The following PCDHGA3 variants were observed in gnomAD, a reference collection of about 807,000 sequenced individuals.
The protein encoded by PCDHGA3 is protocadherin gamma-A3.
In PCDHGA3, 40 loss-of-function variants were observed where a neutral mutation model predicts 58.5. The ratio of observed to expected loss-of-function variants is 0.68; its 90% confidence interval spans 0.53 to 0.89. The LOEUF (loss-of-function observed/expected upper bound fraction) is 0.89. Among genes scored for constraint, PCDHGA3 ranks in the 40% least tolerant of loss-of-function variants. The pLI, the probability that PCDHGA3 is intolerant of heterozygous loss-of-function variation, is 0.00. For missense variants in PCDHGA3, 1,223 were observed against 1,195.9 expected (o/e 1.02, Z -0.33); for synonymous variants, 530 against 525.7 (o/e 1.01, Z -0.11).
At position 141,419,770 on chromosome 5, in the gene PCDHGA3, G is replaced by A. The variant is rs1018272442; in HGVS notation, c.2424+73313G>A. On this transcript the variant is annotated intron_variant, in intron 1 of 3. Coordinates refer to ENST00000253812, the MANE Select transcript of PCDHGA3 (RefSeq NM_018916.4). ...TGCGTGCTTTGGGTGACAAGGACTC[G>A]GTCCGCCAGCGCCTGCTAGTCGCTG... 3.7e-6 allele frequency: 6 copies of A among 1,614,006 alleles called. No individual in the cohort carries two copies. The Admixed American group carries it at 6.7e-5, about 18-fold the overall frequency.
At chr5:141,375,879 G>C in intron 1 of PCDHGA3, 1 of 1,613,144 alleles carries the variant, frequency 6.2e-7, no homozygotes, top group Non-Finnish European at 8.5e-7. Flanking sequence ...AGAGACTCGG[G>C]CCAGAACGCC....
In PCDHGA3 at chr5:141,485,961, A is replaced by C. The variant is rs766687554; in HGVS notation, c.2425-8846A>C. ...GCACCAGCGGGCATGGTGCTCATCC[A>C]GCTCAATGCCTCAGACCCGGACCTG... On this transcript the variant is annotated intron_variant, in intron 1 of 3. Coordinates refer to ENST00000253812, the MANE Select transcript of PCDHGA3 (RefSeq NM_018916.4). The surrounding 1 kb of genome is among the most constrained non-coding windows in gnomAD (Gnocchi z 5.7). 6.2e-7 allele frequency: 1 copy of C among 1,614,204 alleles called. No homozygotes were observed. The highest frequency in any genetic ancestry group is 1.1e-5 in the South Asian group (1 of 91,090).
intron 1 of PCDHGA3, chr5:141,351,756 C>T: frequency 6.2e-7 from 1 of 1,613,612 alleles, no homozygotes. Flanking sequence ...GAGCTGTTGT[C>T]CTACGTGTCC....
Position 141,404,841 on chromosome 5 carries a change from G to A in PCDHGA3, c.2424+58384G>A, listed in dbSNP as rs765291212. The stretch of plus-strand genomic sequence containing the variant: ...CACACAGGTGAAGTGCGCACAGCTC[G>A]GGCCCTGCTAGATAGAGATGCGCTC... On this transcript the variant is annotated intron_variant, in intron 1 of 3. Coordinates refer to ENST00000253812, the MANE Select transcript of PCDHGA3 (RefSeq NM_018916.4). 1.1e-5 allele frequency: 17 copies of A among 1,613,886 alleles called. No individual in the cohort carries two copies. Among genetic ancestry groups the A allele is most frequent in the Non-Finnish European group, 1.4e-5 (16 of 1,179,920 alleles).
intron 1 of PCDHGA3, chr5:141,424,728 G>A (rs907091181): frequency 1.3e-5 from 2 of 152,102 alleles, no homozygotes; most frequent in African/African-American, 2.4e-5. Flanking sequence ...GGGAGTCATA[G>A]ATTCCTTCTT....
At chr5:141,355,030 A>G (rs1383084730) in intron 1 of PCDHGA3, 4 of 976,996 alleles carry the variant, frequency 4.1e-6, no homozygotes, top group African/African-American at 3.3e-5. Flanking sequence ...CAGAATCACA[A>G]GATTTCTGCA....
At chr5:141,383,963 C>G (rs967868907) in intron 1 of PCDHGA3, 1 of 1,613,480 alleles carries the variant, frequency 6.2e-7, no homozygotes, top group South Asian at 1.1e-5. Flanking sequence ...TTAAGTAGCT[C>G]AATCCCTGAA....
At chr5:141,363,845 A>G (rs922209204) in intron 1 of PCDHGA3, among the ~76,000 whole-genome samples, 1 of 152,250 alleles carries the variant, frequency 6.6e-6, no homozygotes. Flanking sequence ...TCCTAATTTA[A>G]TGGACTAAAT....
In PCDHGA3 at chr5:141,450,826, A is replaced by AT. The variant is rs764729742; in HGVS notation, c.2425-43979dup. On this transcript the variant is annotated intron_variant, in intron 1 of 3. Coordinates refer to ENST00000253812, the MANE Select transcript of PCDHGA3 (RefSeq NM_018916.4). ...TATTTATTTATTTAATATTATTATT[A>AT]TTATTTTTTTTTTTTTGAGATGGGG... Among the ~76,000 whole-genome samples, 613 of 134,334 alleles carry AT rather than the reference A, an allele frequency of 4.6e-3. 5 individuals are homozygous for AT. Among genetic ancestry groups the AT allele is most frequent in the African/African-American group, 9.0e-3 (309 of 34,288 alleles). 88.1% of individuals were successfully genotyped at this position (134,334 alleles called of 152,430 possible).
At chr5:141,408,714 A>G (rs771519650) in intron 1 of PCDHGA3, 8 of 1,612,346 alleles carry the variant, frequency 5.0e-6, no homozygotes, top group Non-Finnish European at 6.8e-6. Context: ...AAAGATTATA[A>G]GATAAACTCT....
At chr5:141,360,406 G>A in intron 1 of PCDHGA3, 1 of 1,613,978 alleles carries the variant, frequency 6.2e-7, no homozygotes. Context: ...TGACAGAATA[G>A]ACCGAGAACA....
chr5:141,496,081 C>A (rs976166091), intron 2 of PCDHGA3, among the ~76,000 whole-genome samples: 1 of 152,060 alleles, frequency 6.6e-6, no homozygotes, highest in Non-Finnish European at 1.5e-5. Flanking sequence ...CACAACCCCC[C>A]ACCCACCACC....
Position 141,393,255 on chromosome 5 carries a change from C to G in PCDHGA3, c.2424+46798C>G, listed in dbSNP as rs201229959. 2.3e-4 allele frequency: 367 copies of G among 1,613,786 alleles called. No individual in the cohort carries two copies. Among genetic ancestry groups the G allele is most frequent in the Non-Finnish European group, 2.9e-4 (338 of 1,179,916 alleles). On this transcript the variant is annotated intron_variant, in intron 1 of 3. Coordinates refer to ENST00000253812, the MANE Select transcript of PCDHGA3 (RefSeq NM_018916.4). ...AGTAAAAATTAACGAAATCGCGGTT[C>G]CTGGAGCACGTTATCCACTCCCAGA...
intron 2 of PCDHGA3, among the ~76,000 whole-genome samples, chr5:141,503,398 C>A (rs1374324008): frequency 6.6e-6 from 1 of 151,784 alleles, no homozygotes; most frequent in African/African-American, 2.4e-5. Flanking sequence ...AGTTCGAAAC[C>A]AACCTGGCCA....
chr5:141,474,505 A>G (rs2099350724), intron 1 of PCDHGA3, among the ~76,000 whole-genome samples: 2 of 152,248 alleles, frequency 1.3e-5, no homozygotes, highest in Admixed American at 6.5e-5. Context: ...AATGCCTATC[A>G]GCCCTCTTGC....
In PCDHGA3 at chr5:141,489,432, G is replaced by A. The variant is rs2099687138; in HGVS notation, c.2425-5375G>A. ...TGACAGATCTGTTGAGCCGGCGGCTGCAATTGGGCTCTGAGGAGAATGGGC... is the reference window on the plus strand; with the variant it reads ...TGACAGATCTGTTGAGCCGGCGGCTACAATTGGGCTCTGAGGAGAATGGGC... On this transcript the variant is annotated intron_variant, in intron 1 of 3. Transcript: ENST00000253812. The surrounding 1 kb of genome is among the most constrained non-coding windows in gnomAD (Gnocchi z 4.5). 3.1e-6 allele frequency: 5 copies of A among 1,614,166 alleles called. No individual in the cohort carries two copies. Among genetic ancestry groups the A allele is most frequent in the Non-Finnish European group, 4.2e-6 (5 of 1,180,036 alleles).
At chr5:141,468,849 G>C (rs1349849817) in intron 1 of PCDHGA3, among the ~76,000 whole-genome samples, 2 of 152,058 alleles carry the variant, frequency 1.3e-5, no homozygotes, top group East Asian at 3.9e-4. Flanking sequence ...CTGGGCAACA[G>C]AGCGAGACTC....
At chr5:141,393,972 C>G in intron 1 of PCDHGA3, 1 of 1,613,790 alleles carries the variant, frequency 6.2e-7, no homozygotes, top group South Asian at 1.1e-5. Flanking sequence ...CTGTTACACA[C>G]GTGATAATTT....
intron 1 of PCDHGA3, among the ~76,000 whole-genome samples, chr5:141,437,026 A>G (rs1398960659): frequency 6.6e-6 from 1 of 152,258 alleles, no homozygotes; most frequent in Non-Finnish European, 1.5e-5. Context: ...TCACCAGAAA[A>G]TGGATCACCG....
Sources: gnomAD v4.1 joint callset for allele counts (sites outside exome capture counted in the v4.1 genomes callset) on GRCh38, gnomAD v4.1.1 for gene constraint, Gnocchi (gnomAD v3.1) non-coding constraint, MANE v1.5 for transcripts, NCBI Gene and HGNC (gene_info 2026-07-23, HGNC 2026-07-21) for gene names.